Variants in AARS1 observed in about 807,000 individuals in gnomAD.
The protein encoded by AARS1 is alanyl-tRNA synthetase 1.
In AARS1, 72 loss-of-function variants were observed where a neutral mutation model predicts 108.9. The ratio of observed to expected loss-of-function variants is 0.66; its 90% CI spans 0.55 to 0.80. AARS1 has a LOEUF of 0.80. Ranked by LOEUF, AARS1 falls within the 30% of genes least tolerant of loss-of-function variation. The pLI is 0.00. For missense variants in AARS1, 1,193 were observed against 1,233.2 expected (o/e 0.97, Z 0.49); for synonymous variants, 489 against 465.7 (o/e 1.05, Z -0.64).
chr16:70,256,834 G>A (rs1960003429), intron 15 of AARS1, among the ~76,000 whole-genome samples: 1 of 152,062 alleles, frequency 6.6e-6, no homozygotes, highest in African/African-American at 2.4e-5. Flanking sequence ...GTTCTTTTCA[G>A]CCGGGCGTGG....
rs765691731 is a variant in AARS1 at position 70,262,565 on chromosome 16, A to G, written c.1493-41T>C. Reference sequence around the variant, plus strand: ...GCATAGAAAGGGGACAGTGGGGTCAATGACCTTTTCACTCCTTCTTGGCTG... The same window carrying G: ...GCATAGAAAGGGGACAGTGGGGTCAGTGACCTTTTCACTCCTTCTTGGCTG... On this transcript the variant is annotated intron_variant, in intron 11 of 20. Coordinates refer to ENST00000261772, the MANE Select transcript of AARS1 (RefSeq NM_001605.3). The G allele has an allele frequency of 4.4e-6, 7 of 1,575,280 alleles. No individual in the cohort carries two copies. In the South Asian group the frequency reaches 6.9e-5, roughly 16 times the overall value.
chr16:70,285,275 T>C (rs1239840821), intron 1 of AARS1, among the ~76,000 whole-genome samples: 5 of 151,952 alleles, frequency 3.3e-5, no homozygotes, highest in African/African-American at 4.8e-5. Context: ...TGGATAATAT[T>C]ACTTTTAAGT....
At chr16:70,256,615 T>C (rs1959997169) in intron 15 of AARS1, among the ~76,000 whole-genome samples, 1 of 152,160 alleles carries the variant, frequency 6.6e-6, no homozygotes, top group Admixed American at 6.5e-5. Flanking sequence ...TATAAAGTTT[T>C]TGAAAGCTGT....
intron 9 of AARS1, 93 bp from the exon 10 acceptor site, chr16:70,265,755 T>C (rs1960246697): frequency 6.5e-7 from 1 of 1,530,076 alleles, no homozygotes. Context: ...GCAGAAGGAA[T>C]TAAAGACACA....
At chr16:70,266,684 G>A (rs1031332361) in intron 9 of AARS1, among the ~76,000 whole-genome samples, 2 of 151,814 alleles carry the variant, frequency 1.3e-5, no homozygotes, top group Non-Finnish European at 2.9e-5. Flanking sequence ...ATCATGCATG[G>A]CTAATTTTTG....
intron 1 of AARS1, among the ~76,000 whole-genome samples, chr16:70,285,146 T>C (rs898346370): frequency 5.9e-5 from 9 of 151,498 alleles, no homozygotes; most frequent in Non-Finnish European, 1.0e-4. Flanking sequence ...GGAGAATCGC[T>C]TGAACCTGGG....
Position 70,270,345 on chromosome 16 carries a change from A to T in AARS1, c.672-5T>A, listed in dbSNP as rs777431545. On this transcript the variant is annotated splice_polypyrimidine_tract_variant and splice_region_variant and intron_variant, in intron 5 of 20. Coordinates refer to ENST00000261772, the MANE Select transcript of AARS1 (RefSeq NM_001605.3). ...TTCAGAATGCCATCAGCTTCCCTGT[A>T]TGATCCAGAAGAAGAGGAGGTTGAA... 12 of 1,614,164 alleles carry T rather than the reference A, an allele frequency of 7.4e-6. No homozygotes were observed. Among genetic ancestry groups the T allele is most frequent in the Non-Finnish European group, 1.0e-5 (12 of 1,180,030 alleles).
At chr16:70,278,876 G>T (rs573068311) in intron 2 of AARS1, among the ~76,000 whole-genome samples, 1 of 152,132 alleles carries the variant, frequency 6.6e-6, no homozygotes, top group Admixed American at 6.6e-5. Context: ...GACTATCTGG[G>T]TTCAAGTCCA....
At chr16:70,253,604 C>A in intron 19 of AARS1, 110 bp downstream of exon 19, 1 of 1,313,924 alleles carries the variant, frequency 7.6e-7, no homozygotes, top group Non-Finnish European at 1.1e-6. Flanking sequence ...AATCTCAATC[C>A]CAGACCGTGG....
At chr16:70,262,772 T>C (rs1960165736) in intron 11 of AARS1, among the ~76,000 whole-genome samples, 1 of 151,452 alleles carries the variant, frequency 6.6e-6, no homozygotes, top group African/African-American at 2.4e-5. Flanking sequence ...ATCGAGACCA[T>C]CCTGGCTAAC....
At chr16:70,285,837 G>A (rs1321360111) in intron 1 of AARS1, among the ~76,000 whole-genome samples, 1 of 152,172 alleles carries the variant, frequency 6.6e-6, no homozygotes, top group Non-Finnish European at 1.5e-5. Flanking sequence ...GTGTTGGGAT[G>A]GCATGAGCCA....
Position 70,252,461 on chromosome 16 carries a change from G to T in AARS1, c.*260C>A. The T allele has an allele frequency of 1.8e-6, 1 of 548,332 alleles. No homozygotes were observed. The highest frequency in any genetic ancestry group is 2.1e-5 in the South Asian group (1 of 48,088). 34.0% of individuals were successfully genotyped at this position (548,332 alleles called of 1,614,324 possible). On this transcript the variant is annotated 3_prime_UTR_variant, in exon 21 of 21. Transcript: ENST00000261772. The stretch of plus-strand genomic sequence containing the variant: ...TTGCTGACGCGGAAAGCTCAGGTCT[G>T]GAGAGCCGTTATCTATAGATGCGAG...
At position 70,276,968 on chromosome 16, in the gene AARS1, T is replaced by G; in HGVS notation, c.331A>C (p.Lys111Gln). Residue 111 changes from lysine to glutamine, a missense_variant and splice_region_variant, in exon 3 of 21, where the codon AAG becomes CAG. Lys to Gln is a moderately conservative substitution (Grantham distance 53, BLOSUM62 1). Transcript: ENST00000261772. ...TGGTTCTTCTGCTCTGAACTTACCT[T>G]AAAGTAATCTCCAAAAGACCAAGAG... ...LGSWSFGDYF[K>Q]ELACKMALEL... 1 of 1,614,104 alleles carries G rather than the reference T, an allele frequency of 6.2e-7. No individual in the cohort carries two copies. Among genetic ancestry groups the G allele is most frequent in the Non-Finnish European group, 8.5e-7 (1 of 1,180,010 alleles).
intron 13 of AARS1, 129 bp from the exon 14 acceptor site, chr16:70,259,315 C>T (rs1354957562): frequency 1.0e-6 from 1 of 992,972 alleles, no homozygotes; most frequent in Non-Finnish European, 1.5e-6. Flanking sequence ...GTTACATTTC[C>T]CAGCTTCCCT....
intron 4 of AARS1, among the ~76,000 whole-genome samples, chr16:70,274,012 G>A (rs186639960): frequency 2.6e-5 from 4 of 151,150 alleles, no homozygotes; most frequent in East Asian, 2.0e-4. Context: ...GTGAGAGTGA[G>A]ACCCTGTCTC....
chr16:70,258,098 G>A lies in AARS1; in HGVS notation c.2112C>T (p.Ser704=), dbSNP rs936240936. The A allele has an allele frequency of 1.2e-5, 20 of 1,613,894 alleles. No individual in the cohort carries two copies. The highest frequency in any genetic ancestry group is 1.4e-5 in the Non-Finnish European group (17 of 1,179,990). ...VRVVSIGVPV[S]ELLDDPSGPA... The stretch of plus-strand genomic sequence containing the variant: ...GCCCAGAGGGGTCATCCAGCAACTC[G>A]GACACCGGGACCCCAATGGAGACGA... The change falls in exon 15 of 21, where the codon TCC becomes TCT. Residue 704 remains serine (S), a synonymous_variant. Coordinates refer to ENST00000261772, the MANE Select transcript of AARS1 (RefSeq NM_001605.3).
chr16:70,255,194 A>ATTTT (rs946837808), intron 16 of AARS1, among the ~76,000 whole-genome samples: 116 of 104,252 alleles, frequency 1.1e-3, no homozygotes, highest in Middle Eastern at 5.4e-3. Flanking sequence ...CCAGATTCAC[A>ATTTT]TTTTTTTTTT....
intron 4 of AARS1, among the ~76,000 whole-genome samples, chr16:70,275,778 T>A (rs1481971916): frequency 6.5e-5 from 9 of 138,242 alleles, no homozygotes; most frequent in Admixed American, 1.4e-4. Context: ...ACAACAAAAA[T>A]ATATATATAT....
At chr16:70,283,138 C>A (rs144938548) in intron 1 of AARS1, among the ~76,000 whole-genome samples, 6 of 152,274 alleles carry the variant, frequency 3.9e-5, no homozygotes, top group African/African-American at 7.2e-5. Flanking sequence ...ATGGCTCACG[C>A]CTGTAATCCC....
Sources: allele counts gnomAD v4.1 joint callset (sites outside exome capture counted in the v4.1 genomes callset), GRCh38; gene constraint gnomAD v4.1.1; transcripts MANE v1.5; gene names NCBI Gene and HGNC (gene_info 2026-07-23, HGNC 2026-07-21).